Variants in KCNIP4 observed in about 807,000 individuals in gnomAD.
KCNIP4 encodes the protein potassium voltage-gated channel interacting protein 4.
KCNIP4 carries 12 observed loss-of-function variants against 34.0 expected under a neutral mutation model. The observed-to-expected ratio is 0.35, with a 90% CI of 0.23 to 0.57. The LOEUF (loss-of-function observed/expected upper bound fraction) is 0.57. KCNIP4 is among the 20% of genes least tolerant of loss of function. KCNIP4 has a pLI of 0.83. For missense variants in KCNIP4, 238 were observed against 311.7 expected (o/e 0.76, Z 1.78); for synonymous variants, 124 against 102.2 (o/e 1.21, Z -1.29).
chr4:21,532,923 C>T (rs1736810806), intron 1 of KCNIP4, among the ~76,000 whole-genome samples: 1 of 148,456 alleles, frequency 6.7e-6, no homozygotes. Flanking sequence ...TTCTAAATTG[C>T]ATCTCAAGGT....
At chr4:20,897,549 C>T (rs958130064) in intron 1 of KCNIP4, among the ~76,000 whole-genome samples, 4 of 151,794 alleles carry the variant, frequency 2.6e-5, no homozygotes, top group African/African-American at 9.7e-5. Context: ...AGTTCCAACT[C>T]CCAGTACTTC....
intron 1 of KCNIP4, among the ~76,000 whole-genome samples, chr4:21,175,802 T>C (rs980314927): frequency 6.6e-6 from 1 of 152,210 alleles, no homozygotes; most frequent in Admixed American, 6.5e-5. Context: ...ATTGTTTATG[T>C]CTGGGATTTT....
At chr4:21,746,890 C>G (rs1322938684) in intron 1 of KCNIP4, among the ~76,000 whole-genome samples, 1 of 152,130 alleles carries the variant, frequency 6.6e-6, no homozygotes, top group Non-Finnish European at 1.5e-5. Flanking sequence ...AATATACCCA[C>G]AGTCATTTCT....
chr4:21,325,560 C>T (rs1300186495), intron 1 of KCNIP4, among the ~76,000 whole-genome samples: 1 of 151,540 alleles, frequency 6.6e-6, no homozygotes, highest in Admixed American at 6.6e-5. Context: ...CTTTATGTTT[C>T]ATTGATCTTT....
intron 1 of KCNIP4, among the ~76,000 whole-genome samples, chr4:21,512,881 T>C (rs1734451320): frequency 6.6e-6 from 1 of 152,242 alleles, no homozygotes; most frequent in African/African-American, 2.4e-5. Context: ...AGCAAACCTT[T>C]ATTAAACAAT....
chr4:21,780,442 C>T (rs1719506875), intron 1 of KCNIP4, among the ~76,000 whole-genome samples: 1 of 152,198 alleles, frequency 6.6e-6, no homozygotes, highest in African/African-American at 2.4e-5. Flanking sequence ...CTCCACCACT[C>T]TCAACTGCCA....
intron 1 of KCNIP4, among the ~76,000 whole-genome samples, chr4:21,236,353 T>C (rs771990778): frequency 6.6e-6 from 1 of 152,170 alleles, no homozygotes; most frequent in Non-Finnish European, 1.5e-5. Flanking sequence ...CTGGTGACAT[T>C]TGTATAACAT....
At position 20,970,400 on chromosome 4, in the gene KCNIP4, G is replaced by T. The variant is rs1460486333; in HGVS notation, c.62-87691C>A. Among the ~76,000 whole-genome samples the T allele has an allele frequency of 2.0e-5, 3 of 152,152 alleles. No individual in the cohort carries two copies. In the East Asian group the frequency reaches 5.8e-4, roughly 29 times the overall value. ...CATTTCCAATAATTTTCAGTGCTTT[G>T]ATGTTTTCAAATTTAAATTTAGTTT... is the stretch of plus-strand genomic sequence containing the variant. On this transcript the variant is annotated intron_variant, in intron 1 of 8. Coordinates refer to ENST00000382152, the MANE Select transcript of KCNIP4 (RefSeq NM_025221.6).
chr4:21,030,694 T>C (rs1430254752), intron 1 of KCNIP4, among the ~76,000 whole-genome samples: 1 of 152,218 alleles, frequency 6.6e-6, no homozygotes, highest in African/African-American at 2.4e-5. Context: ...ATCATCATTA[T>C]AACTTATAAC....
chr4:20,951,100 CTCTCTCTCTCTCTG>C (rs1481240532), intron 1 of KCNIP4, among the ~76,000 whole-genome samples: 1 of 150,920 alleles, frequency 6.6e-6, no homozygotes, highest in Non-Finnish European at 1.5e-5. Context: ...CGTCAGAGTG[CTCTCTCTCTCTCTG>C]TCTCTCTCTC....
At chr4:21,648,281 C>A (rs1201779925) in intron 1 of KCNIP4, among the ~76,000 whole-genome samples, 1 of 152,118 alleles carries the variant, frequency 6.6e-6, no homozygotes, top group East Asian at 1.9e-4. Flanking sequence ...AAAGCAATTT[C>A]TACTTTAAGT....
intron 1 of KCNIP4, among the ~76,000 whole-genome samples, chr4:21,411,309 T>C (rs138599904): frequency 2.0e-5 from 3 of 152,254 alleles, no homozygotes; most frequent in Non-Finnish European, 2.9e-5. Flanking sequence ...GAAAGCAAAC[T>C]TTTAGATAGT....
At chr4:21,596,104 C>T (rs1230723223) in intron 1 of KCNIP4, among the ~76,000 whole-genome samples, 2 of 152,112 alleles carry the variant, frequency 1.3e-5, no homozygotes, top group Admixed American at 6.6e-5. Context: ...AATTGTTCAG[C>T]TTTCATTCTC....
intron 1 of KCNIP4, among the ~76,000 whole-genome samples, chr4:21,402,730 G>C (rs936225606): frequency 2.0e-4 from 30 of 151,922 alleles, no homozygotes; most frequent in Non-Finnish European, 2.4e-4. Flanking sequence ...GCACAACCAG[G>C]ATCTGATCTT....
chr4:21,833,725 A>G (rs1438123611), intron 1 of KCNIP4, among the ~76,000 whole-genome samples: 1 of 151,868 alleles, frequency 6.6e-6, no homozygotes, highest in African/African-American at 2.4e-5. Context: ...ATGGTTTTAG[A>G]TCTAAAGTTT....
In KCNIP4 at chr4:21,291,867, A is replaced by AAAAGAAAGAAAGAAAG. The variant is rs1211617062; in HGVS notation, c.62-409174_62-409159dup. ...AGACTCCGCCTCAAAAAAAAAAAAA[A>AAAAGAAAGAAAGAAAG]AAAGAAAGAAAGAAAGAAAGAAAGA... On this transcript the variant is annotated intron_variant, in intron 1 of 8. Coordinates refer to ENST00000382152, the MANE Select transcript of KCNIP4 (RefSeq NM_025221.6). 1.6e-4 allele frequency among the ~76,000 whole-genome samples: 8 copies of AAAAGAAAGAAAGAAAG among 51,118 alleles called. No homozygotes were observed. The East Asian group carries it at 2.8e-3, about 18-fold the overall frequency. 33.5% of individuals were successfully genotyped at this position (51,118 alleles called of 152,430 possible). A position where few individuals can be genotyped will look rare whatever the true frequency, so the allele number is the denominator to read the frequency against.
At chr4:21,157,630 A>G (rs1005084685) in intron 1 of KCNIP4, among the ~76,000 whole-genome samples, 1 of 152,142 alleles carries the variant, frequency 6.6e-6, no homozygotes, top group Non-Finnish European at 1.5e-5. Flanking sequence ...ATTTTAAATA[A>G]AAAATAAAAA....
chr4:21,457,655 G>A (rs775525048), intron 1 of KCNIP4, among the ~76,000 whole-genome samples: 14 of 151,890 alleles, frequency 9.2e-5, no homozygotes, highest in African/African-American at 2.4e-4. Flanking sequence ...CCTCTTTCCC[G>A]CAGATCTATC....
chr4:21,482,488 C>G (rs539589870), intron 1 of KCNIP4, among the ~76,000 whole-genome samples: 11 of 152,230 alleles, frequency 7.2e-5, no homozygotes, highest in South Asian at 6.2e-4. Flanking sequence ...CCTTCAGGAG[C>G]TCTTGTAGGG....
Sources: gnomAD v4.1 joint callset for allele counts (sites outside exome capture counted in the v4.1 genomes callset) on GRCh38, gnomAD v4.1.1 for gene constraint, MANE v1.5 for transcripts, NCBI Gene and HGNC (gene_info 2026-07-23, HGNC 2026-07-21) for gene names.